Variants in VPS13B observed in about 807,000 individuals in gnomAD.
VPS13B encodes vacuolar protein sorting 13 homolog B.
Under a neutral mutation model 426.4 loss-of-function variants are expected in VPS13B, and 285 were observed. The observed-to-expected ratio is 0.67, with a 90% CI of 0.61 to 0.74. The LOEUF is 0.74. Ranked by LOEUF, VPS13B falls within the 30% of genes least tolerant of loss-of-function variation. The pLI, the probability that VPS13B is intolerant of heterozygous loss-of-function variation, is 0.00. For synonymous variants in VPS13B, 1,676 were observed against 1,676.4 expected (o/e 1.00, Z 0.01); for missense variants, 4,537 against 4,782.6 (o/e 0.95, Z 1.51).
chr8:99,147,486 C>T (rs1357694416), intron 13 of VPS13B, among the ~76,000 whole-genome samples: 2 of 152,100 alleles, frequency 1.3e-5, no homozygotes, highest in Non-Finnish European at 2.9e-5. Context: ...GATCTTCCCC[C>T]TCCCCATCTA....
intron 58 of VPS13B, among the ~76,000 whole-genome samples, chr8:99,863,519 G>A (rs766541066): frequency 2.6e-5 from 4 of 152,114 alleles, no homozygotes; most frequent in Non-Finnish European, 5.9e-5. Flanking sequence ...GCTGGCTGGT[G>A]TGTGGCTGTC....
intron 52 of VPS13B, among the ~76,000 whole-genome samples, chr8:99,834,879 G>T (rs1336931126): frequency 6.6e-6 from 1 of 152,212 alleles, no homozygotes; most frequent in Non-Finnish European, 1.5e-5. Flanking sequence ...TTTTAAGGAA[G>T]AAGAAAGTAC....
At chr8:99,293,615 A>G (rs974189423) in intron 19 of VPS13B, among the ~76,000 whole-genome samples, 4 of 139,500 alleles carry the variant, frequency 2.9e-5, no homozygotes, top group African/African-American at 8.0e-5. Context: ...AACCTACAAC[A>G]TGGGAGAAAA....
chr8:99,071,109 T>C (rs1248033840), intron 3 of VPS13B, among the ~76,000 whole-genome samples: 1 of 152,124 alleles, frequency 6.6e-6, no homozygotes, highest in Non-Finnish European at 1.5e-5. Flanking sequence ...TTTGGTTTGT[T>C]TGGTGAGGTC....
At chr8:99,779,864 A>G (rs1811927087) in intron 42 of VPS13B, among the ~76,000 whole-genome samples, 1 of 152,192 alleles carries the variant, frequency 6.6e-6, no homozygotes, top group African/African-American at 2.4e-5. Flanking sequence ...TTTTGTATAT[A>G]TTACATTTGT....
At position 99,481,707 on chromosome 8, in the gene VPS13B, C is replaced by T; in HGVS notation, c.3775C>T (p.Pro1259Ser). 2 of 1,614,016 alleles carry T rather than the reference C, an allele frequency of 1.2e-6. No individual in the cohort carries two copies. Among genetic ancestry groups the T allele is most frequent in the Non-Finnish European group, 1.7e-6 (2 of 1,179,918 alleles). ...AACCTCTCCAGAGACCATGGCAGGG[C>T]CTGTTCCTACTTCTCCAGTTAGAAG... The part of the protein sequence containing the change: ...SPTSPETMAG[P>S]VPTSPVRSSI... The change falls in exon 25 of 62, where the codon CCT becomes TCT. Residue 1259 changes from proline to serine, a missense_variant. Physicochemically the swap from Pro to Ser is moderately conservative, Grantham distance 74. Transcript: ENST00000357162.
intron 21 of VPS13B, among the ~76,000 whole-genome samples, chr8:99,429,361 T>G (rs1002716002): frequency 7.2e-5 from 11 of 152,208 alleles, no homozygotes; most frequent in African/African-American, 2.7e-4. Flanking sequence ...TAATTTTTAT[T>G]TCTTTGTTAG....
intron 17 of VPS13B, among the ~76,000 whole-genome samples, chr8:99,232,169 A>G (rs1308600199): frequency 6.6e-6 from 1 of 152,088 alleles, no homozygotes; most frequent in Non-Finnish European, 1.5e-5. Flanking sequence ...AGGGAATTCA[A>G]AAGAATGGAG....
chr8:99,018,341 G>C (rs1169008050), intron 2 of VPS13B, among the ~76,000 whole-genome samples: 1 of 152,186 alleles, frequency 6.6e-6, no homozygotes, highest in Non-Finnish European at 1.5e-5. Context: ...AGCTGAGATT[G>C]TGCCACTGGA....
chr8:99,516,920 G>T (rs1402057858), intron 29 of VPS13B, among the ~76,000 whole-genome samples: 1 of 150,694 alleles, frequency 6.6e-6, no homozygotes, highest in Non-Finnish European at 1.5e-5. Context: ...AGAGCAATCT[G>T]TGCTTGTCAC....
intron 3 of VPS13B, among the ~76,000 whole-genome samples, 197 bp from the exon 4 acceptor site, chr8:99,096,115 A>C (rs1381592885): frequency 6.6e-6 from 1 of 152,156 alleles, no homozygotes; most frequent in Non-Finnish European, 1.5e-5. Context: ...TTAAACTATG[A>C]GTTATTAATA....
intron 19 of VPS13B, among the ~76,000 whole-genome samples, chr8:99,287,654 A>G (rs1317633648): frequency 1.3e-5 from 2 of 152,038 alleles, no homozygotes; most frequent in Non-Finnish European, 2.9e-5. Context: ...AAAAATGCAA[A>G]TACACCATAG....
intron 25 of VPS13B, among the ~76,000 whole-genome samples, chr8:99,493,247 T>G (rs1820711060): frequency 1.3e-5 from 2 of 152,198 alleles, no homozygotes; most frequent in Admixed American, 1.3e-4. Flanking sequence ...TATTTTTTTC[T>G]TATAATAGCC....
chr8:99,263,073 A>G (rs1818133290), intron 17 of VPS13B, among the ~76,000 whole-genome samples: 1 of 152,014 alleles, frequency 6.6e-6, no homozygotes, highest in African/African-American at 2.4e-5. Flanking sequence ...CATCTGGCCA[A>G]TCTTTTGTTT....
intron 21 of VPS13B, among the ~76,000 whole-genome samples, chr8:99,423,567 C>T (rs776029454): frequency 7.9e-5 from 12 of 151,936 alleles, no homozygotes; most frequent in Non-Finnish European, 1.3e-4. Flanking sequence ...CCACCATGGC[C>T]GGCATGTTTA....
intron 35 of VPS13B, among the ~76,000 whole-genome samples, chr8:99,669,680 CCTGTTTAA>C (rs1830629384): frequency 6.6e-6 from 1 of 151,962 alleles, no homozygotes; most frequent in South Asian, 2.1e-4. Flanking sequence ...TTAGTCTCAC[CCTGTTTAA>C]CTCATTCATT....
In VPS13B at chr8:99,853,910, C is replaced by T. The variant is rs767239312; in HGVS notation, c.10521C>T (p.Tyr3507=). Residue 3507 remains tyrosine (Y), a synonymous_variant, in exon 56 of 62, where the codon TAC becomes TAT. Coordinates refer to ENST00000357162, the MANE Select transcript of VPS13B (RefSeq NM_152564.5). The stretch of plus-strand genomic sequence containing the variant: ...TTGAATTAAAACCTGCTCGGTTATA[C>T]GTGGAAGACACATTTGTATACTACA... The part of the protein sequence containing the change: ...FSFELKPARL[Y]VEDTFVYYIK... 99 of 1,614,098 alleles carry T rather than the reference C, an allele frequency of 6.1e-5. No homozygotes were observed. In the Admixed American group the frequency reaches 1.1e-3, roughly 18 times the overall value.
At chr8:99,137,448 A>C (rs1479283899) in intron 12 of VPS13B, among the ~76,000 whole-genome samples, 1 of 152,022 alleles carries the variant, frequency 6.6e-6, no homozygotes. Flanking sequence ...AAGAGCCAAT[A>C]GGTGGTGTTG....
intron 16 of VPS13B, among the ~76,000 whole-genome samples, chr8:99,187,638 G>T (rs1198828244): frequency 1.3e-5 from 2 of 152,090 alleles, no homozygotes; most frequent in Non-Finnish European, 2.9e-5. Flanking sequence ...TTCTTATTGG[G>T]CAACTGTGTA....
Sources: allele counts gnomAD v4.1 joint callset (sites outside exome capture counted in the v4.1 genomes callset), GRCh38; gene constraint gnomAD v4.1.1; transcripts MANE v1.5; gene names NCBI Gene and HGNC (gene_info 2026-07-23, HGNC 2026-07-21).